Variants in EXOC6 observed in about 807,000 individuals in gnomAD.
EXOC6 encodes the protein exocyst complex component 6.
In EXOC6, 60 loss-of-function variants were observed where a neutral mutation model predicts 112.5. The ratio of observed to expected loss-of-function variants is 0.53; its 90% CI spans 0.43 to 0.66. EXOC6 has a LOEUF of 0.66. Among genes scored for constraint, EXOC6 ranks in the 30% least tolerant of loss-of-function variants. The pLI, the probability that EXOC6 is intolerant of heterozygous loss-of-function variation, is 0.00. For missense variants in EXOC6, 855 were observed against 957.1 expected (o/e 0.89, Z 1.41); for synonymous variants, 295 against 308.0 (o/e 0.96, Z 0.44).
chr10:92,914,287 T>G (rs550871365), intron 6 of EXOC6, among the ~76,000 whole-genome samples: 1 of 152,264 alleles, frequency 6.6e-6, no homozygotes, highest in African/African-American at 2.4e-5. Flanking sequence ...TCTGAAACCA[T>G]CCACCTGCAA....
intron 18 of EXOC6, chr10:92,987,524 T>C (rs906090747): frequency 6.5e-6 from 3 of 459,302 alleles, no homozygotes; most frequent in Non-Finnish European, 8.6e-6. Context: ...TTAGAGTATA[T>C]TCCCTTTTGC....
intron 4 of EXOC6, among the ~76,000 whole-genome samples, chr10:92,897,885 G>A (rs760838121): frequency 3.7e-4 from 56 of 152,140 alleles, no homozygotes; most frequent in Non-Finnish European, 1.0e-4. Context: ...GATGTCTCAT[G>A]TCTCTCTAAA....
intron 4 of EXOC6, among the ~76,000 whole-genome samples, chr10:92,896,616 C>A (rs1849842632): frequency 1.3e-5 from 2 of 151,752 alleles, no homozygotes; most frequent in Admixed American, 1.3e-4. Flanking sequence ...GAGACAGAGT[C>A]TCACTCTGTT....
In EXOC6 at chr10:92,848,665, C is replaced by T. The variant is rs915535027; in HGVS notation, c.101+31C>T. 2.1e-5 allele frequency: 28 copies of T among 1,317,230 alleles called. No homozygotes were observed. The East Asian group carries it at 4.3e-4, about 20-fold the overall frequency. 81.6% of individuals were successfully genotyped at this position (1,317,230 alleles called of 1,614,324 possible). A position where few individuals can be genotyped will look rare whatever the true frequency, so the allele number is the denominator to read the frequency against. Reference sequence around the variant, plus strand: ...GATCTCATCCCACCGGGACTTCGGCCCCCCGCCCCACGCCGGCCGCTCCTC... The same window carrying T: ...GATCTCATCCCACCGGGACTTCGGCTCCCCGCCCCACGCCGGCCGCTCCTC... On this transcript the variant is annotated intron_variant, in intron 1 of 21. Coordinates refer to ENST00000260762, the MANE Select transcript of EXOC6 (RefSeq NM_019053.6).
chr10:92,857,915 T>C lies in EXOC6; in HGVS notation c.101+9281T>C, dbSNP rs140803203. The stretch of plus-strand genomic sequence containing the variant: ...TCTGCTTGAAACTATTTCCTGTTTT[T>C]TTTGTTGTTGTTGTTTGTCTGTTTT... On this transcript the variant is annotated intron_variant, in intron 1 of 21. Transcript: ENST00000260762. Among the ~76,000 whole-genome samples the C allele has an allele frequency of 3.9e-3, 586 of 152,194 alleles. 4 individuals carry two copies. The highest frequency in any genetic ancestry group is 0.013 in the African/African-American group (539 of 41,516).
intron 1 of EXOC6, among the ~76,000 whole-genome samples, chr10:92,828,112 T>A (rs903086289): frequency 1.3e-5 from 2 of 152,228 alleles, no homozygotes; most frequent in Non-Finnish European, 2.9e-5. Flanking sequence ...ACTCATTAAC[T>A]CTGTTTGTTG....
Position 93,058,357 on chromosome 10 carries a change from C to T in EXOC6, c.*2C>T. On this transcript the variant is annotated 3_prime_UTR_variant, in exon 22 of 22. Coordinates refer to ENST00000260762, the MANE Select transcript of EXOC6 (RefSeq NM_019053.6). Reference sequence around the variant, plus strand: ...AATGGTATGTCCCAGCACATGTAGACCTCACATGGCTTGCACTCAGTGACA... The same window carrying T: ...AATGGTATGTCCCAGCACATGTAGATCTCACATGGCTTGCACTCAGTGACA... The T allele has an allele frequency of 6.3e-7, 1 of 1,596,178 alleles. No homozygotes were observed. The highest frequency in any genetic ancestry group is 1.9e-5 in the Admixed American group (1 of 54,044).
intron 4 of EXOC6, among the ~76,000 whole-genome samples, chr10:92,895,626 T>C (rs1277809616): frequency 6.6e-6 from 1 of 152,138 alleles, no homozygotes; most frequent in African/African-American, 2.4e-5. Flanking sequence ...CTGGATTTAA[T>C]ATACTTTAAG....
intron 17 of EXOC6, among the ~76,000 whole-genome samples, chr10:92,973,226 C>G (rs891513440): frequency 1.3e-5 from 2 of 152,196 alleles, no homozygotes; most frequent in East Asian, 1.9e-4. Context: ...TTTGAAGGAG[C>G]TGCAGCTCTG....
Position 92,987,511 on chromosome 10 carries a change from G to A in EXOC6, c.1954-9963G>A, listed in dbSNP as rs757675401. ...CAACAAACACAGAAAGAACTTGCTTGTTTTAGAGTATATTCCCTTTTGCTA... is the reference window on the plus strand; with the variant it reads ...CAACAAACACAGAAAGAACTTGCTTATTTTAGAGTATATTCCCTTTTGCTA... On this transcript the variant is annotated intron_variant, in intron 18 of 21. Transcript: ENST00000260762. 23 of 341,720 alleles carry A rather than the reference G, an allele frequency of 6.7e-5. No homozygotes were observed. The Admixed American group carries it at 9.7e-4, about 14-fold the overall frequency. 21.2% of individuals were successfully genotyped at this position (341,720 alleles called of 1,614,324 possible).
At chr10:92,867,111 T>G (rs951380171) in intron 1 of EXOC6, among the ~76,000 whole-genome samples, 1 of 152,126 alleles carries the variant, frequency 6.6e-6, no homozygotes, top group African/African-American at 2.4e-5. Flanking sequence ...TCAAGAGATG[T>G]AAGAGTCACA....
intron 4 of EXOC6, among the ~76,000 whole-genome samples, chr10:92,895,546 T>G (rs1849704339): frequency 6.6e-6 from 1 of 152,198 alleles, no homozygotes; most frequent in Non-Finnish European, 1.5e-5. Flanking sequence ...GTTTCTGGTC[T>G]CTTTGTTAGG....
At chr10:92,968,835 TA>T (rs1842174221) in intron 17 of EXOC6, among the ~76,000 whole-genome samples, 1 of 152,204 alleles carries the variant, frequency 6.6e-6, no homozygotes. Flanking sequence ...GCTTAAGATG[TA>T]AAGATAAGTG....
intron 1 of EXOC6, among the ~76,000 whole-genome samples, chr10:92,863,865 A>G (rs1848032207): frequency 6.6e-6 from 1 of 150,382 alleles, no homozygotes; most frequent in South Asian, 2.1e-4. Context: ...CAGTGAGTCT[A>G]TATCGCGCCA....
intron 1 of EXOC6, among the ~76,000 whole-genome samples, chr10:92,827,200 C>T (rs538889933): frequency 6.6e-6 from 1 of 151,562 alleles, no homozygotes; most frequent in African/African-American, 2.4e-5. Flanking sequence ...CTTGGCTGTG[C>T]GTGGTGGCTG....
chr10:92,927,766 G>C (rs541205250), intron 8 of EXOC6, among the ~76,000 whole-genome samples: 2 of 152,288 alleles, frequency 1.3e-5, no homozygotes, highest in South Asian at 4.1e-4. Context: ...GCCTTCAGAA[G>C]TTAAGGAAAG....
chr10:92,948,716 G>T (rs1012559940), intron 14 of EXOC6, among the ~76,000 whole-genome samples: 9 of 151,996 alleles, frequency 5.9e-5, no homozygotes, highest in Admixed American at 5.9e-4. Context: ...TGTTACTAAT[G>T]TTGGGTGGAT....
intron 13 of EXOC6, 31 bp from the exon 14 acceptor site, chr10:92,948,243 T>G: frequency 7.2e-7 from 1 of 1,384,294 alleles, no homozygotes; most frequent in Non-Finnish European, 1.0e-6. Context: ...TGCTTTGTAA[T>G]GATAAGTTTT....
chr10:92,996,523 A>G (rs1843498323), intron 18 of EXOC6, among the ~76,000 whole-genome samples: 1 of 151,842 alleles, frequency 6.6e-6, no homozygotes, highest in Non-Finnish European at 1.5e-5. Context: ...AGGCTGAGGC[A>G]GGAGAATGGT....
Sources: gnomAD v4.1 joint callset for allele counts (sites outside exome capture counted in the v4.1 genomes callset) on GRCh38, gnomAD v4.1.1 for gene constraint, MANE v1.5 for transcripts, NCBI Gene and HGNC (gene_info 2026-07-23, HGNC 2026-07-21) for gene names.